DPF1: variants seen among roughly 807,000 people sequenced by gnomAD.
DPF1 encodes double PHD fingers 1.
In DPF1, 14 loss-of-function variants were observed where a neutral mutation model predicts 58.7. The observed-to-expected ratio is 0.24, with a 90% CI of 0.16 to 0.37. The LOEUF (loss-of-function observed/expected upper bound fraction) is 0.37, where lower values mean the gene tolerates loss of function less well. Among genes scored for constraint, DPF1 ranks in the 10% least tolerant of loss-of-function variants. The pLI, the probability that DPF1 is intolerant of heterozygous loss-of-function variation, is 1.00. For synonymous variants in DPF1, 216 were observed against 216.0 expected, an observed-to-expected ratio of 1.00 and a Z score of 0.00; for missense variants, 345 against 529.9, an observed-to-expected ratio of 0.65 and a Z score of 3.43.
At position 38,218,555 on chromosome 19, in the gene DPF1, A is replaced by T; in HGVS notation, c.516+18T>A. The T allele has an allele frequency of 6.2e-7, 1 of 1,612,912 alleles. No individual in the cohort carries two copies. Among genetic ancestry groups the T allele is most frequent in the Non-Finnish European group, 8.5e-7 (1 of 1,179,040 alleles). On this transcript the variant is annotated intron_variant, in intron 5 of 11. Transcript: ENST00000355526. ...GTCATTGAGGGGAGCGGGGAAGAGGAGAAGCTTGGGGTGATACCTTTCCTT... is the reference window on the plus strand; with the variant it reads ...GTCATTGAGGGGAGCGGGGAAGAGGTGAAGCTTGGGGTGATACCTTTCCTT...
At chr19:38,224,331 C>G (rs1227623723), upstream of DPF1, 13 of 1,232,544 alleles carry the variant, frequency 1.1e-5, no homozygotes, top group Non-Finnish European at 1.0e-5. The surrounding 1 kb of genome is among the most constrained non-coding windows in gnomAD (Gnocchi z 4.5). Context: ...AGGGGGCCCC[C>G]GGGACCCCGC....
chr19:38,212,408 C>G, intron 10 of DPF1, 47 bp from the exon 11 acceptor site: 3 of 627,040 alleles, frequency 4.8e-6, no homozygotes, highest in Non-Finnish European at 2.5e-6. Flanking sequence ...GCACGGGCAC[C>G]AGAAACGGGG....
rs146027135 is a variant in DPF1, at chr19:38,222,040, G to A, written c.298+317C>T. ...TTGCGGGTTCAAGGTTCAACTCCCCGCTAGGTGGAGGTTGGGGGATCACGC... is the reference window on the plus strand; with the variant it reads ...TTGCGGGTTCAAGGTTCAACTCCCCACTAGGTGGAGGTTGGGGGATCACGC... On this transcript the variant is annotated intron_variant, in intron 3 of 11. Transcript: ENST00000355526. This position sits in a 1 kb window ranked among gnomAD's most constrained non-coding sequence, Gnocchi z 4.9. 8.5e-4 allele frequency among the ~76,000 whole-genome samples: 129 copies of A among 152,212 alleles called. No homozygotes were observed. The highest frequency in any genetic ancestry group is 2.7e-3 in the African/African-American group (112 of 41,540).
At chr19:38,214,374 C>T (rs1294727320) in intron 9 of DPF1, among the ~76,000 whole-genome samples, 3 of 152,220 alleles carry the variant, frequency 2.0e-5, no homozygotes, top group African/African-American at 7.2e-5. Context: ...GCGCCCGCCC[C>T]CTGCAACCAC....
At chr19:38,224,951 T>C (rs1568641239), upstream of DPF1, among the ~76,000 whole-genome samples, 1 of 152,164 alleles carries the variant, frequency 6.6e-6, no homozygotes. The surrounding 1 kb of genome is among the most constrained non-coding windows in gnomAD (Gnocchi z 4.5). Flanking sequence ...GGTAAAGCAT[T>C]TTAAGAGGTG....
intron 7 of DPF1, 142 bp downstream of exon 7, chr19:38,217,317 TC>T: frequency 8.8e-7 from 1 of 1,141,726 alleles, no homozygotes; most frequent in Non-Finnish European, 1.2e-6. Context: ...GGAGCCAGCA[TC>T]CCCATGGTCG....
chr19:38,211,727 CTT>C lies in DPF1; in HGVS notation c.*334_*335del, dbSNP rs1973434617. ...CTTTTTTTTTTTTTTAACTTTTTGT[CTT>C]TTTCTTTAGAAAAAGGCTCTGTCCA... On this transcript the variant is annotated 3_prime_UTR_variant, in exon 12 of 12. Transcript: ENST00000355526. The surrounding 1 kb of genome is among the most constrained non-coding windows in gnomAD (Gnocchi z 4.0). 1 of 229,006 alleles carries C rather than the reference CTT, an allele frequency of 4.4e-6. No homozygotes were observed. The allele number at this position is 229,006 out of a possible 1,614,324, so 14.2% of individuals were successfully genotyped here.
At position 38,212,208 on chromosome 19, in the gene DPF1, A is replaced by C; in HGVS notation, c.1093+72T>G. On this transcript the variant is annotated intron_variant, in intron 11 of 11. Coordinates refer to ENST00000355526, the MANE Select transcript of DPF1 (RefSeq NM_001135155.3). ...CCCAGCCCCTTCCCACCCCGAGGAC[A>C]CACAGTCTTCCACAACCAGGAGATG... is the stretch of plus-strand genomic sequence containing the variant. The C allele has an allele frequency of 3.3e-6, 5 of 1,516,008 alleles. No homozygotes were observed. The South Asian group carries it at 4.8e-5, about 15-fold the overall frequency. The allele number at this position is 1,516,008 out of a possible 1,614,324, so 93.9% of individuals were successfully genotyped here.
In DPF1 at chr19:38,217,886, G is replaced by A; in HGVS notation, c.517-10C>T. On this transcript the variant is annotated splice_polypyrimidine_tract_variant and intron_variant, in intron 5 of 11. Transcript: ENST00000355526. ...CCCCGATGCCATATGCCTGTGGGGA[G>A]AGTCAGGAGTGAGGGGCCAAGAAAG... is the stretch of plus-strand genomic sequence containing the variant. 1.2e-6 allele frequency: 2 copies of A among 1,613,896 alleles called. No individual in the cohort carries two copies. The highest frequency in any genetic ancestry group is 4.5e-5 in the East Asian group (2 of 44,874).
chr19:38,212,539 T>A (rs1036847256), intron 10 of DPF1, 178 bp from the exon 11 acceptor site: 1 of 490,190 alleles, frequency 2.0e-6, no homozygotes, highest in Non-Finnish European at 3.6e-6. Context: ...GCCAAACACA[T>A]ATCCCTCAGG....
At chr19:38,224,276 G>A (rs1334957776), upstream of DPF1, 6 of 1,261,814 alleles carry the variant, frequency 4.8e-6, no homozygotes, top group South Asian at 3.1e-5. The surrounding 1 kb of genome is among the most constrained non-coding windows in gnomAD (Gnocchi z 4.5). Flanking sequence ...TCGCGGCGAC[G>A]GGGCGGGCCC....
At chr19:38,219,397 C>T (rs574470248) in intron 3 of DPF1, 1 of 269,408 alleles carries the variant, frequency 3.7e-6, no homozygotes, top group South Asian at 6.5e-5. Context: ...TCCAGACACT[C>T]GCAGAGGAGA....
At position 38,221,455 on chromosome 19, in the gene DPF1, G is replaced by A. The variant is rs1967467218; in HGVS notation, c.298+902C>T. ...CTCAGGAGGCTGAGACAGGAGAATC[G>A]CTTGAACCCACTAGGCGGAGGTTGC... On this transcript the variant is annotated intron_variant, in intron 3 of 11. Transcript: ENST00000355526. 2.0e-5 allele frequency among the ~76,000 whole-genome samples: 3 copies of A among 151,456 alleles called. 1 individual carries two copies. Among genetic ancestry groups the A allele is most frequent in the Admixed American group, 2.0e-4 (3 of 15,190 alleles).
At chr19:38,219,176 T>C (rs1335452556) in intron 3 of DPF1, 118 bp from the exon 4 acceptor site, 21 of 1,432,862 alleles carry the variant, frequency 1.5e-5, no homozygotes, top group Non-Finnish European at 2.8e-6. Flanking sequence ...GAGGCAAGGA[T>C]TTAACCACAT....
chr19:38,218,499 GACC>G (rs1967202467), intron 5 of DPF1, 71 bp downstream of exon 5: 1 of 1,493,936 alleles, frequency 6.7e-7, no homozygotes, highest in South Asian at 1.1e-5. Flanking sequence ...GGCAGGGGCG[GACC>G]ACTGCACCTG....
rs1203638577 is a variant in DPF1, at chr19:38,211,976, C to G, written c.*87G>C. Reference sequence around the variant, plus strand: ...GCTTCCCCCTCTCCCCCTCCCCCTGCGGGATGTTCAGGGTGGGGGAGAATT... The same window carrying G: ...GCTTCCCCCTCTCCCCCTCCCCCTGGGGGATGTTCAGGGTGGGGGAGAATT... On this transcript the variant is annotated 3_prime_UTR_variant, in exon 12 of 12. Coordinates refer to ENST00000355526, the MANE Select transcript of DPF1 (RefSeq NM_001135155.3). The surrounding 1 kb of genome is among the most constrained non-coding windows in gnomAD (Gnocchi z 4.0). 3.2e-5 allele frequency: 47 copies of G among 1,454,104 alleles called. No homozygotes were observed. Among genetic ancestry groups the G allele is most frequent in the African/African-American group, 4.2e-5 (3 of 71,946 alleles). The allele number at this position is 1,454,104 out of a possible 1,614,324, so 90.1% of individuals were successfully genotyped here. A position where few individuals can be genotyped will look rare whatever the true frequency, so the allele number is the denominator to read the frequency against.
In DPF1 at chr19:38,212,280, C is replaced by A; in HGVS notation, c.1093G>T (p.Gly365Trp). ...LSPPMAEPPE[G>W]SWSCHLCLRH... ...ATGGGATGCCCACCTCTCCTCTCACCTTCCGGGGGCTCCGCCATGGGGGGA... is the reference window on the plus strand; with the variant it reads ...ATGGGATGCCCACCTCTCCTCTCACATTCCGGGGGCTCCGCCATGGGGGGA... Residue 365 changes from glycine to tryptophan, a missense_variant and splice_region_variant, in exon 11 of 12, where the codon GGG becomes TGG. Gly to Trp is a radical substitution (Grantham distance 184, BLOSUM62 -2). Coordinates refer to ENST00000355526, the MANE Select transcript of DPF1 (RefSeq NM_001135155.3). 6.5e-7 allele frequency: 1 copy of A among 1,530,774 alleles called. No individual in the cohort carries two copies. The allele number at this position is 1,530,774 out of a possible 1,614,324, so 94.8% of individuals were successfully genotyped here.
chr19:38,217,426 C>A (rs932478281), intron 7 of DPF1, 34 bp downstream of exon 7: 49 of 1,353,436 alleles, frequency 3.6e-5, no homozygotes, highest in Non-Finnish European at 4.8e-5. Context: ...ACTCCCAGGG[C>A]CCCTGGCCAC....
In DPF1 at chr19:38,216,253, T is replaced by G; in HGVS notation, c.785A>C (p.Lys262Thr). 6.2e-7 allele frequency: 1 copy of G among 1,614,100 alleles called. No individual in the cohort carries two copies. Among genetic ancestry groups the G allele is most frequent in the Non-Finnish European group, 8.5e-7 (1 of 1,179,960 alleles). Residue 262 changes from lysine to threonine, a missense_variant, in exon 9 of 12, where the codon AAG (lysine) becomes ACG (threonine). Lys to Thr is a moderately conservative substitution (Grantham distance 78, BLOSUM62 -1). Coordinates refer to ENST00000355526, the MANE Select transcript of DPF1 (RefSeq NM_001135155.3). The stretch of plus-strand genomic sequence containing the variant: ...GGGGATGACAGTGCCGTCGGGCGCC[T>G]TCTTGGCTGCAAGACAGCAGACAGG... ...PEAQRKHTAK[K>T]APDGTVIPNG...
Sources: allele counts gnomAD v4.1 joint callset (sites outside exome capture counted in the v4.1 genomes callset), GRCh38; gene constraint gnomAD v4.1.1; non-coding constraint Gnocchi (gnomAD v3.1); transcripts MANE v1.5; gene names NCBI Gene and HGNC (gene_info 2026-07-23, HGNC 2026-07-21).